Variants in ITPRID1 observed in about 807,000 individuals in gnomAD.
The protein encoded by ITPRID1 is ITPR interacting domain containing 1.
In ITPRID1, 96 loss-of-function variants were observed where a neutral mutation model predicts 95.4. That is an observed-to-expected ratio of 1.01 (90% confidence interval 0.85 to 1.19). The LOEUF is 1.19. ITPRID1 is among the 50% of genes most tolerant of loss of function. The pLI is 0.00. For missense variants in ITPRID1, 1,339 were observed against 1,252.9 expected, an observed-to-expected ratio of 1.07 and a Z score of -1.04; for synonymous variants, 510 against 453.6, an observed-to-expected ratio of 1.12 and a Z score of -1.58.
At chr7:31,635,778 G>A (rs944036106) in intron 10 of ITPRID1, among the ~76,000 whole-genome samples, 2 of 151,984 alleles carry the variant, frequency 1.3e-5, no homozygotes, top group Non-Finnish European at 2.9e-5. Flanking sequence ...CTTGTAAGGG[G>A]AGGGCGGGGG....
At chr7:31,577,005 A>G (rs1413167294) in intron 8 of ITPRID1, among the ~76,000 whole-genome samples, 1 of 151,780 alleles carries the variant, frequency 6.6e-6, no homozygotes, top group Non-Finnish European at 1.5e-5. Flanking sequence ...TTAAGTCAAT[A>G]CTGTACTTGC....
intron 7 of ITPRID1, among the ~76,000 whole-genome samples, chr7:31,574,005 C>T (rs1785086545): frequency 6.6e-6 from 1 of 152,032 alleles, no homozygotes; most frequent in Non-Finnish European, 1.5e-5. Context: ...ATACAGAACA[C>T]ATTTTAATTC....
chr7:31,533,665 T>G (rs940984976), intron 1 of ITPRID1, among the ~76,000 whole-genome samples: 1 of 152,166 alleles, frequency 6.6e-6, no homozygotes, highest in Non-Finnish European at 1.5e-5. Context: ...TTATATTTCC[T>G]TTATCTTTTA....
intron 1 of ITPRID1, chr7:31,529,628 G>A: frequency 1.5e-6 from 1 of 661,080 alleles, no homozygotes; most frequent in Non-Finnish European, 2.5e-6. Flanking sequence ...GACTGTCTTG[G>A]CTTTCTATGA....
At chr7:31,638,602 C>T (rs1019786626) in intron 10 of ITPRID1, among the ~76,000 whole-genome samples, 7 of 152,146 alleles carry the variant, frequency 4.6e-5, no homozygotes, top group East Asian at 1.9e-4. Flanking sequence ...ATGATTTTTC[C>T]TTTCAATACC....
chr7:31,580,138 A>G (rs903841143), intron 9 of ITPRID1, among the ~76,000 whole-genome samples: 3 of 151,816 alleles, frequency 2.0e-5, no homozygotes, highest in African/African-American at 7.3e-5. Context: ...TCTCTACCAA[A>G]AATACAAAAA....
chr7:31,572,979 A>T (rs748355858), intron 7 of ITPRID1, among the ~76,000 whole-genome samples: 6 of 152,284 alleles, frequency 3.9e-5, no homozygotes, highest in Non-Finnish European at 8.8e-5. Flanking sequence ...TAACAGATTA[A>T]ATCTTTCATG....
chr7:31,641,535 C>G (rs895433470), intron 10 of ITPRID1, among the ~76,000 whole-genome samples: 1 of 152,144 alleles, frequency 6.6e-6, no homozygotes, highest in African/African-American at 2.4e-5. Context: ...CCAACTATTT[C>G]CCCCACAATA....
chr7:31,591,028 A>G (rs1165020421), intron 10 of ITPRID1, among the ~76,000 whole-genome samples: 1 of 152,186 alleles, frequency 6.6e-6, no homozygotes, highest in East Asian at 1.9e-4. Flanking sequence ...GCATCTGGAA[A>G]AGGAGTCCCT....
chr7:31,605,513 T>C (rs1383328210), intron 10 of ITPRID1, among the ~76,000 whole-genome samples: 1 of 152,200 alleles, frequency 6.6e-6, no homozygotes, highest in Non-Finnish European at 1.5e-5. Context: ...GGAAACATCA[T>C]AGCTTCGCTC....
At chr7:31,581,990 C>T (rs780616058) in intron 9 of ITPRID1, among the ~76,000 whole-genome samples, 10 of 152,090 alleles carry the variant, frequency 6.6e-5, no homozygotes, top group Non-Finnish European at 1.2e-4. Context: ...TTCTCATGGT[C>T]CCTAGTCTAT....
intron 10 of ITPRID1, among the ~76,000 whole-genome samples, chr7:31,605,161 C>G (rs1411754244): frequency 6.6e-6 from 1 of 150,978 alleles, no homozygotes; most frequent in Non-Finnish European, 1.5e-5. Flanking sequence ...GAAAATAAAT[C>G]TTTCACAGGC....
chr7:31,517,640 C>A (rs377430761), intron 1 of ITPRID1: 1 of 152,830 alleles, frequency 6.5e-6, no homozygotes, highest in Middle Eastern at 3.2e-3. Context: ...CACCCGGAAC[C>A]GCGCCGGCCA....
intron 1 of ITPRID1, among the ~76,000 whole-genome samples, chr7:31,520,560 TGTGTGAGAGAGA>T (rs747786131): frequency 0.075 from 5,929 of 78,710 alleles, 139 homozygotes; most frequent in Non-Finnish European, 0.082. Flanking sequence ...TGTGTGTGTG[TGTGTGAGAGAGA>T]GAGAGAGAGT....
In ITPRID1 at chr7:31,654,366, G is replaced by A. The variant is rs1042477687; in HGVS notation, c.*1537G>A. Reference sequence around the variant, plus strand: ...ATGGAGATGGAGGGAGGGGAAGGCTGAGAGGGGATCGGTCAGACTATAGGC... The same window carrying A: ...ATGGAGATGGAGGGAGGGGAAGGCTAAGAGGGGATCGGTCAGACTATAGGC... On this transcript the variant is annotated 3_prime_UTR_variant, in exon 15 of 15. Transcript: ENST00000615280. Among the ~76,000 whole-genome samples, 1 of 152,210 alleles carries A rather than the reference G, an allele frequency of 6.6e-6. No homozygotes were observed. The highest frequency in any genetic ancestry group is 1.5e-5 in the Non-Finnish European group (1 of 68,038).
intron 10 of ITPRID1, among the ~76,000 whole-genome samples, chr7:31,635,597 A>G (rs991008329): frequency 6.6e-6 from 1 of 152,054 alleles, no homozygotes; most frequent in Admixed American, 6.6e-5. Flanking sequence ...GGAGGAAATT[A>G]CTCTTTCTAC....
In ITPRID1 at chr7:31,530,570, T is replaced by C. The variant is rs150897548; in HGVS notation, c.-98+16450T>C. 2.3e-4 allele frequency among the ~76,000 whole-genome samples: 35 copies of C among 152,288 alleles called. No homozygotes were observed. The East Asian group carries it at 6.2e-3, about 27-fold the overall frequency. ...TATTTTTTGATCTGAAATTCACATG[T>C]AATTGCCTTTTATTTCTATTTGCTA... is the stretch of plus-strand genomic sequence containing the variant. On this transcript the variant is annotated intron_variant, in intron 1 of 14. Transcript: ENST00000615280.
At chr7:31,519,664 C>T (rs1283464975) in intron 1 of ITPRID1, among the ~76,000 whole-genome samples, 1 of 109,296 alleles carries the variant, frequency 9.1e-6, no homozygotes, top group African/African-American at 3.3e-5. Flanking sequence ...TGTTATCCTG[C>T]TGGTATTTGT....
chr7:31,583,791 A>C (rs1054610371), intron 10 of ITPRID1, among the ~76,000 whole-genome samples: 9 of 152,278 alleles, frequency 5.9e-5, no homozygotes, highest in Admixed American at 3.3e-4. Flanking sequence ...ATTTCATGGG[A>C]CTGAGCCTGA....
Sources: gnomAD v4.1 joint callset for allele counts (sites outside exome capture counted in the v4.1 genomes callset) on GRCh38, gnomAD v4.1.1 for gene constraint, MANE v1.5 for transcripts, NCBI Gene and HGNC (gene_info 2026-07-23, HGNC 2026-07-21) for gene names.